The following UNC13C variants were observed in gnomAD, a reference collection of about 807,000 sequenced individuals.
The protein encoded by UNC13C is protein unc-13 homolog C.
UNC13C carries 174 observed loss-of-function variants against 245.4 expected under a neutral mutation model. The observed-to-expected ratio is 0.71, with a 90% confidence interval of 0.63 to 0.80. The LOEUF (loss-of-function observed/expected upper bound fraction) is 0.80, where lower values mean the gene tolerates loss of function less well. Among genes scored for constraint, UNC13C ranks in the 30% least tolerant of loss-of-function variants. The pLI, the probability that UNC13C is intolerant of heterozygous loss-of-function variation, is 0.00. For missense variants in UNC13C, 2,829 were observed against 2,602.9 expected, an observed-to-expected ratio of 1.09 and a Z score of -1.89; for synonymous variants, 992 against 895.1, an observed-to-expected ratio of 1.11 and a Z score of -1.93.
intron 4 of UNC13C, among the ~76,000 whole-genome samples, chr15:54,206,185 A>G (rs1401556319): frequency 6.6e-6 from 1 of 152,070 alleles, no homozygotes; most frequent in South Asian, 2.1e-4. Context: ...AAAAATATTT[A>G]TAGATGATTA....
intron 13 of UNC13C, among the ~76,000 whole-genome samples, chr15:54,319,432 A>G (rs1281112073): frequency 6.6e-6 from 1 of 151,958 alleles, no homozygotes; most frequent in African/African-American, 2.4e-5. Flanking sequence ...AGTGTATAAT[A>G]AAGTCATAAC....
At chr15:54,591,629 G>T (rs1898795715) in intron 30 of UNC13C, among the ~76,000 whole-genome samples, 1 of 151,934 alleles carries the variant, frequency 6.6e-6, no homozygotes, top group Non-Finnish European at 1.5e-5. Context: ...CATGTCAGTT[G>T]TAATATTTCC....
intron 29 of UNC13C, among the ~76,000 whole-genome samples, chr15:54,556,121 C>A (rs1009054345): frequency 6.6e-6 from 1 of 151,828 alleles, no homozygotes; most frequent in African/African-American, 2.4e-5. Context: ...CAAATAATTT[C>A]TTTTATATTT....
At chr15:54,519,249 G>T (rs559119136) in intron 24 of UNC13C, among the ~76,000 whole-genome samples, 3 of 152,066 alleles carry the variant, frequency 2.0e-5, no homozygotes. Context: ...GGGAAAAAAT[G>T]TATAAGAGAA....
chr15:54,003,990 G>C lies in UNC13C; in HGVS notation c.-256-8658G>C, dbSNP rs143716081. 4.1e-3 allele frequency among the ~76,000 whole-genome samples: 617 copies of C among 152,258 alleles called. 25 individuals are homozygous for C. The East Asian group carries it at 0.11, about 27-fold the overall frequency. ...CCTGCCACAGCACTCCAGCCTGGGC[G>C]ACAGAGTGAGACTCCATCTGAAACA... On this transcript the variant is annotated intron_variant, in intron 1 of 32. Transcript: ENST00000260323.
intron 2 of UNC13C, among the ~76,000 whole-genome samples, chr15:54,076,569 A>G (rs1339575732): frequency 6.6e-6 from 1 of 152,214 alleles, no homozygotes; most frequent in Non-Finnish European, 1.5e-5. Context: ...AAGTGTTTAC[A>G]GTTCCCTGGA....
chr15:53,878,385 A>G, the UNC13C span, among the ~76,000 whole-genome samples: 2 of 152,218 alleles, frequency 1.3e-5, no homozygotes, highest in African/African-American at 4.8e-5. Flanking sequence ...ATCAACACTC[A>G]GAATTTCTAG....
chr15:54,442,500 G>T (rs553624551), intron 19 of UNC13C, among the ~76,000 whole-genome samples: 1 of 152,004 alleles, frequency 6.6e-6, no homozygotes, highest in African/African-American at 2.4e-5. Flanking sequence ...TGGGATTACA[G>T]GTGTGAGTCA....
rs554386233 is a variant in UNC13C at position 54,235,813 on chromosome 15, G to T, written c.3151-617G>T. Among the ~76,000 whole-genome samples the T allele has an allele frequency of 3.0e-4, 46 of 152,234 alleles. No individual in the cohort carries two copies. The East Asian group carries it at 7.4e-3, about 24-fold the overall frequency. On this transcript the variant is annotated intron_variant, in intron 5 of 32. Transcript: ENST00000260323. ...TTGCGTGAGCCGAGATTGCGCCACT[G>T]CACTCCAGCCTGCGTGACAGAGCGA...
chr15:54,490,088 A>G (rs75368697), intron 19 of UNC13C, among the ~76,000 whole-genome samples: 96 of 152,290 alleles, frequency 6.3e-4, no homozygotes, highest in African/African-American at 2.1e-3. Flanking sequence ...ATAAAGGGAT[A>G]AAGATTAATT....
intron 4 of UNC13C, among the ~76,000 whole-genome samples, chr15:54,199,150 AG>A: frequency 6.6e-6 from 1 of 152,198 alleles, no homozygotes; most frequent in South Asian, 2.1e-4. Context: ...CAAAGAAAAA[AG>A]ATTTTTAAGA....
intron 25 of UNC13C, among the ~76,000 whole-genome samples, chr15:54,526,149 AC>A: frequency 6.6e-6 from 1 of 152,246 alleles, no homozygotes; most frequent in African/African-American, 2.4e-5. Context: ...GAATACAACT[AC>A]CCCATGGGAA....
At position 54,622,375 on chromosome 15, in the gene UNC13C, T is replaced by C; in HGVS notation, c.6155T>C (p.Ile2052Thr). 1 of 1,613,380 alleles carries C rather than the reference T, an allele frequency of 6.2e-7. No individual in the cohort carries two copies. Among genetic ancestry groups the C allele is most frequent in the Non-Finnish European group, 8.5e-7 (1 of 1,179,478 alleles). ...GGTCAGATATCTGTTCATGTGGACA[T>C]CACTGCCACCCCAGGAACGGGAGAT... ...AVGQISVHVD[I>T]TATPGTGDHK... Residue 2052 changes from isoleucine to threonine, a missense_variant, in exon 31 of 33, where the codon ATC (isoleucine) becomes ACC (threonine). Coordinates refer to ENST00000260323, the MANE Select transcript of UNC13C (RefSeq NM_001080534.3).
chr15:54,176,959 A>T (rs1005326704), intron 4 of UNC13C, among the ~76,000 whole-genome samples: 7 of 152,114 alleles, frequency 4.6e-5, no homozygotes, highest in Admixed American at 2.0e-4. Flanking sequence ...CACCAGTAGC[A>T]TTGAGATTGA....
intron 1 of UNC13C, among the ~76,000 whole-genome samples, chr15:53,998,881 C>CT (rs1429716137): frequency 6.6e-6 from 1 of 151,698 alleles, no homozygotes; most frequent in Non-Finnish European, 1.5e-5. Flanking sequence ...ATTTTTCTCC[C>CT]TTTTTTAATG....
intron 19 of UNC13C, among the ~76,000 whole-genome samples, chr15:54,455,471 C>G (rs983528344): frequency 4.0e-5 from 6 of 149,950 alleles, no homozygotes; most frequent in African/African-American, 1.5e-4. Context: ...AGTTTACATT[C>G]CCTCTAGCAG....
At chr15:54,223,771 A>C (rs2035295177) in intron 4 of UNC13C, among the ~76,000 whole-genome samples, 1 of 152,052 alleles carries the variant, frequency 6.6e-6, no homozygotes. Context: ...GTCTATGAAC[A>C]TGGAATATTT....
At chr15:54,436,735 A>G (rs1278587330) in intron 19 of UNC13C, among the ~76,000 whole-genome samples, 1 of 151,812 alleles carries the variant, frequency 6.6e-6, no homozygotes. Context: ...AACCTAGATG[A>G]TGGGTTGATG....
intron 19 of UNC13C, among the ~76,000 whole-genome samples, chr15:54,439,425 A>G (rs750203426): frequency 1.3e-5 from 2 of 151,990 alleles, no homozygotes; most frequent in Non-Finnish European, 2.9e-5. Context: ...ATGAAAGTTG[A>G]TAATGATAAT....
Sources: gnomAD v4.1 joint callset for allele counts (sites outside exome capture counted in the v4.1 genomes callset) on GRCh38, gnomAD v4.1.1 for gene constraint, MANE v1.5 for transcripts, NCBI Gene and HGNC (gene_info 2026-07-23, HGNC 2026-07-21) for gene names.